Variants in H2BN1 observed in about 807,000 individuals in gnomAD.
H2BN1 encodes histone H2B.N.
the H2BN1 span, among the ~76,000 whole-genome samples, chr17:32,897,215 G>A: frequency 6.6e-6 from 1 of 152,222 alleles, no homozygotes; most frequent in Non-Finnish European, 1.5e-5. Flanking sequence ...ATCCTGCGGT[G>A]GGAGAGTGTT....
chr17:32,905,438 C>G, the H2BN1 span, among the ~76,000 whole-genome samples: 1 of 152,122 alleles, frequency 6.6e-6, no homozygotes, highest in Admixed American at 6.6e-5. Flanking sequence ...CATCTCTACT[C>G]AGAATCCCTT....
chr17:32,905,670 T>TGAGAC, the H2BN1 span: 13 of 152,300 alleles, frequency 8.5e-5, no homozygotes, highest in Admixed American at 8.5e-4. Context: ...TAGGGAGACA[T>TGAGAC]GAGACAGCAA....
chr17:32,899,734 A>G, the H2BN1 span, among the ~76,000 whole-genome samples: 1 of 152,240 alleles, frequency 6.6e-6, no homozygotes, highest in African/African-American at 2.4e-5. Context: ...GTTCATAGGC[A>G]TATACTAAAT....
the H2BN1 span, among the ~76,000 whole-genome samples, chr17:32,900,771 C>CA: frequency 6.6e-6 from 1 of 151,952 alleles, no homozygotes; most frequent in Non-Finnish European, 1.5e-5. Flanking sequence ...TTAGTAGAGA[C>CA]AGAGTTTTAC....
the H2BN1 span, among the ~76,000 whole-genome samples, chr17:32,895,442 A>C: frequency 6.6e-6 from 1 of 152,114 alleles, no homozygotes; most frequent in Non-Finnish European, 1.5e-5. Flanking sequence ...CATGTATTTC[A>C]TTTGCTTAAA....
At chr17:32,899,911 T>G in the H2BN1 span, among the ~76,000 whole-genome samples, 1 of 152,344 alleles carries the variant, frequency 6.6e-6, no homozygotes, top group Non-Finnish European at 1.5e-5. Context: ...TTAAACATTT[T>G]TCTTCTATTC....
At chr17:32,904,341 A>G in the H2BN1 span, among the ~76,000 whole-genome samples, 1 of 152,222 alleles carries the variant, frequency 6.6e-6, no homozygotes, top group Non-Finnish European at 1.5e-5. Flanking sequence ...CTTAGAATGC[A>G]TCTCCGAACT....
chr17:32,897,924 C>T, the H2BN1 span, among the ~76,000 whole-genome samples: 3 of 152,176 alleles, frequency 2.0e-5, no homozygotes, highest in Admixed American at 1.3e-4. Context: ...AAGTGTTTTC[C>T]ATCTTCAGAT....
chr17:32,904,999 A>G, the H2BN1 span, among the ~76,000 whole-genome samples: 1 of 152,196 alleles, frequency 6.6e-6, no homozygotes, highest in African/African-American at 2.4e-5. Context: ...TGGAGAAAAA[A>G]TTAAGACCAG....
the H2BN1 span, chr17:32,906,503 A>G: frequency 6.6e-6 from 1 of 152,222 alleles, no homozygotes; most frequent in Non-Finnish European, 1.5e-5. Context: ...TTTCATTGCT[A>G]CACACCTAGT....
chr17:32,896,029 A>G, the H2BN1 span, among the ~76,000 whole-genome samples: 5 of 151,354 alleles, frequency 3.3e-5, no homozygotes, highest in Non-Finnish European at 7.4e-5. Flanking sequence ...TCCCAAGTAG[A>G]TGAGACTATA....
the H2BN1 span, among the ~76,000 whole-genome samples, chr17:32,898,674 C>T: frequency 6.6e-6 from 1 of 151,954 alleles, no homozygotes; most frequent in East Asian, 1.9e-4. Flanking sequence ...ATGGGTAGGT[C>T]TTGAGTTACT....
At chr17:32,900,080 G>T in the H2BN1 span, among the ~76,000 whole-genome samples, 1 of 152,190 alleles carries the variant, frequency 6.6e-6, no homozygotes, top group Admixed American at 6.6e-5. Flanking sequence ...ACATACAATT[G>T]ACAAGGAAAT....
At chr17:32,895,522 C>G in the H2BN1 span, among the ~76,000 whole-genome samples, 1 of 152,118 alleles carries the variant, frequency 6.6e-6, no homozygotes, top group African/African-American at 2.4e-5. Flanking sequence ...AGTGGGCCAA[C>G]TCAGCCACTG....
the H2BN1 span, among the ~76,000 whole-genome samples, chr17:32,895,647 G>C: frequency 6.6e-5 from 10 of 152,204 alleles, no homozygotes; most frequent in African/African-American, 2.4e-4. Flanking sequence ...GAATGGCCAA[G>C]AGAGGTATCA....
At chr17:32,904,361 C>T in the H2BN1 span, among the ~76,000 whole-genome samples, 1 of 152,190 alleles carries the variant, frequency 6.6e-6, no homozygotes, top group African/African-American at 2.4e-5. Context: ...TAGAATTAGG[C>T]TCCTTAAACA....
At chr17:32,902,839 CAA>C in the H2BN1 span, among the ~76,000 whole-genome samples, 80 of 144,506 alleles carry the variant, frequency 5.5e-4, no homozygotes, top group Admixed American at 6.9e-4. Flanking sequence ...GACTCCATCT[CAA>C]AAAAAAAAAA....
chr17:32,898,810 A>C, the H2BN1 span, among the ~76,000 whole-genome samples: 3 of 152,218 alleles, frequency 2.0e-5, no homozygotes, highest in Non-Finnish European at 4.4e-5. Flanking sequence ...TATTACTCTG[A>C]AGTCCATACT....
chr17:32,899,284 A>T, the H2BN1 span, among the ~76,000 whole-genome samples: 1 of 152,344 alleles, frequency 6.6e-6, no homozygotes, highest in East Asian at 1.9e-4. Context: ...AAACTTAGAT[A>T]AGAGTTTTTA....
Sources: gnomAD v4.1 joint callset for allele counts (sites outside exome capture counted in the v4.1 genomes callset) on GRCh38, gnomAD v4.1.1 for gene constraint, MANE v1.5 for transcripts, NCBI Gene and HGNC (gene_info 2026-07-23, HGNC 2026-07-21) for gene names.